SGCZ: variants seen among roughly 807,000 people sequenced by gnomAD.
The protein encoded by SGCZ is sarcoglycan zeta.
A neutral mutation model predicts 41.3 loss-of-function variants in SGCZ; 40 were observed. The observed-to-expected ratio is 0.97, with a 90% confidence interval of 0.75 to 1.26. The LOEUF (loss-of-function observed/expected upper bound fraction) is 1.26, where lower values mean the gene tolerates loss of function less well. Among genes scored for constraint, SGCZ ranks in the 50% most tolerant of loss-of-function variants. The pLI, the probability that SGCZ is intolerant of heterozygous loss-of-function variation, is 0.00. For missense variants in SGCZ, 552 were observed against 369.8 expected (o/e 1.49, Z -4.04); for synonymous variants, 206 against 137.5 (o/e 1.50, Z -3.49).
intron 1 of SGCZ, among the ~76,000 whole-genome samples, chr8:15,169,778 C>G (rs1234389707): frequency 6.6e-6 from 1 of 152,142 alleles, no homozygotes; most frequent in East Asian, 1.9e-4. Flanking sequence ...GGTACAAATC[C>G]CATCCATAAG....
intron 3 of SGCZ, among the ~76,000 whole-genome samples, chr8:14,261,261 T>C (rs1380860253): frequency 6.6e-6 from 1 of 152,192 alleles, no homozygotes; most frequent in Non-Finnish European, 1.5e-5. Context: ...TCTTTTAATA[T>C]TTTAATCATA....
intron 2 of SGCZ, among the ~76,000 whole-genome samples, chr8:14,550,066 G>C (rs140180183): frequency 6.6e-6 from 1 of 151,908 alleles, no homozygotes; most frequent in Non-Finnish European, 1.5e-5. Flanking sequence ...TTGTACTTGT[G>C]CAAATGTAAT....
intron 1 of SGCZ, among the ~76,000 whole-genome samples, chr8:14,749,910 G>A (rs1204328579): frequency 1.3e-5 from 2 of 151,766 alleles, no homozygotes; most frequent in Non-Finnish European, 2.9e-5. Flanking sequence ...AGAATATTAT[G>A]TACAAAAAAT....
In SGCZ at chr8:14,595,063, T is replaced by G. The variant is rs1045389078; in HGVS notation, c.40-40137A>C. Among the ~76,000 whole-genome samples the G allele has an allele frequency of 2.0e-5, 3 of 152,096 alleles. No individual in the cohort carries two copies. In the East Asian group the frequency reaches 5.8e-4, roughly 29 times the overall value. ...TTTTGAATTATAGAAATGGCTTTAC[T>G]TATTTCTATACTGTTTCCTAATTTG... is the stretch of plus-strand genomic sequence containing the variant. On this transcript the variant is annotated intron_variant, in intron 1 of 7. Transcript: ENST00000382080.
intron 1 of SGCZ, among the ~76,000 whole-genome samples, chr8:14,752,832 GA>G (rs1160364780): frequency 1.3e-5 from 2 of 152,102 alleles, no homozygotes; most frequent in Non-Finnish European, 2.9e-5. Flanking sequence ...AGATCTATTG[GA>G]AAAACAGCTT....
chr8:14,910,018 G>C (rs1399120839), intron 1 of SGCZ, among the ~76,000 whole-genome samples: 1 of 151,962 alleles, frequency 6.6e-6, no homozygotes, highest in Non-Finnish European at 1.5e-5. Context: ...CCTCTATCTA[G>C]CCACTTATGT....
Position 14,778,210 on chromosome 8 carries a change from C to G in SGCZ, c.40-223284G>C, listed in dbSNP as rs375862132. On this transcript the variant is annotated intron_variant, in intron 1 of 7. Coordinates refer to ENST00000382080, the MANE Select transcript of SGCZ (RefSeq NM_139167.4). ...AAAGGCCTGAAATTACAGGCATGAG[C>G]CAGCTAAAAATCTTTATAAATTATA... Among the ~76,000 whole-genome samples the G allele has an allele frequency of 4.6e-5, 7 of 152,206 alleles. 3 individuals are homozygous for G. Among genetic ancestry groups the G allele is most frequent in the African/African-American group, 1.7e-4 (7 of 41,546 alleles).
At chr8:14,554,538 T>C (rs1410639572) in intron 2 of SGCZ, among the ~76,000 whole-genome samples, 194 bp downstream of exon 2, 1 of 152,036 alleles carries the variant, frequency 6.6e-6, no homozygotes, top group Non-Finnish European at 1.5e-5. Context: ...AAATGGCAGG[T>C]AGTAATAGCA....
At chr8:15,087,004 A>G (rs996825214) in intron 1 of SGCZ, among the ~76,000 whole-genome samples, 1 of 152,192 alleles carries the variant, frequency 6.6e-6, no homozygotes, top group Non-Finnish European at 1.5e-5. Flanking sequence ...ATGACACAGA[A>G]GAACATGGGA....
At chr8:15,072,270 T>C (rs1418951765) in intron 1 of SGCZ, among the ~76,000 whole-genome samples, 3 of 152,066 alleles carry the variant, frequency 2.0e-5, no homozygotes, top group African/African-American at 4.8e-5. Flanking sequence ...CATGCAGAAC[T>C]CACATCTTGT....
rs188985413 is a variant in SGCZ, at chr8:15,081,084, T to C, written c.39+156501A>G. Among the ~76,000 whole-genome samples the C allele has an allele frequency of 1.3e-3, 197 of 152,276 alleles. 2 individuals carry two copies. The highest frequency in any genetic ancestry group is 4.5e-3 in the African/African-American group (188 of 41,556). ...AATCACAAGAACATAAACTCTGTTA[T>C]TGAACGCAGCCAGCGCATGCTACTT... On this transcript the variant is annotated intron_variant, in intron 1 of 7. Coordinates refer to ENST00000382080, the MANE Select transcript of SGCZ (RefSeq NM_139167.4).
At chr8:14,748,063 T>A (rs961911460) in intron 1 of SGCZ, among the ~76,000 whole-genome samples, 7 of 151,988 alleles carry the variant, frequency 4.6e-5, no homozygotes, top group African/African-American at 1.5e-4. Context: ...ATGACTCTTA[T>A]CTCCAAAAGG....
At chr8:15,219,788 G>A (rs573724720) in intron 1 of SGCZ, among the ~76,000 whole-genome samples, 2 of 152,198 alleles carry the variant, frequency 1.3e-5, no homozygotes, top group African/African-American at 2.4e-5. Flanking sequence ...ATTTGAAGGC[G>A]AAATAGCAGT....
chr8:14,538,444 T>C (rs1026127464), intron 2 of SGCZ, among the ~76,000 whole-genome samples: 1 of 151,910 alleles, frequency 6.6e-6, no homozygotes, highest in African/African-American at 2.4e-5. Context: ...CTAGATGCCA[T>C]GGGTGAACCA....
chr8:14,176,835 T>C (rs1275740836), intron 4 of SGCZ, among the ~76,000 whole-genome samples: 2 of 152,128 alleles, frequency 1.3e-5, no homozygotes, highest in Admixed American at 6.5e-5. Context: ...GCCAGAAAAT[T>C]AGCTGAAAAG....
At chr8:14,764,109 T>G (rs945862342) in intron 1 of SGCZ, among the ~76,000 whole-genome samples, 2 of 152,152 alleles carry the variant, frequency 1.3e-5, no homozygotes, top group Non-Finnish European at 2.9e-5. Flanking sequence ...TCAAGACTAA[T>G]GGGAACATAT....
At chr8:15,230,169 G>A (rs1311605508) in intron 1 of SGCZ, among the ~76,000 whole-genome samples, 1 of 142,796 alleles carries the variant, frequency 7.0e-6, no homozygotes, top group Non-Finnish European at 1.5e-5. Flanking sequence ...AAGTCACTAT[G>A]AATAAGGATA....
intron 3 of SGCZ, among the ~76,000 whole-genome samples, chr8:14,238,586 A>G (rs796782718): frequency 9.7e-4 from 148 of 152,332 alleles, no homozygotes; most frequent in African/African-American, 3.5e-3. Flanking sequence ...AACAGCTCAC[A>G]TATTAGGCTT....
intron 2 of SGCZ, among the ~76,000 whole-genome samples, chr8:14,430,893 C>A (rs1000889860): frequency 2.6e-5 from 4 of 151,824 alleles, no homozygotes; most frequent in Non-Finnish European, 5.9e-5. Flanking sequence ...CTTTTCTGTA[C>A]ACCAACAGCG....
Sources: allele counts gnomAD v4.1 joint callset (sites outside exome capture counted in the v4.1 genomes callset), GRCh38; gene constraint gnomAD v4.1.1; transcripts MANE v1.5; gene names NCBI Gene and HGNC (gene_info 2026-07-23, HGNC 2026-07-21).